ABCA5: variants seen among roughly 807,000 people sequenced by gnomAD.
ABCA5 encodes the protein cholesterol transporter ABCA5.
Under a neutral mutation model 206.0 loss-of-function variants are expected in ABCA5, and 163 were observed. The observed-to-expected ratio is 0.79, with a 90% CI of 0.70 to 0.90. The LOEUF (loss-of-function observed/expected upper bound fraction) is 0.90, where lower values mean the gene tolerates loss of function less well. ABCA5 is among the 40% of genes least tolerant of loss of function. ABCA5 has a pLI of 0.00. For synonymous variants in ABCA5, 609 were observed against 613.8 expected (o/e 0.99, Z 0.11); for missense variants, 1,859 against 1,912.9 (o/e 0.97, Z 0.53).
At chr17:69,286,810 C>G (rs1229631350) in intron 15 of ABCA5, among the ~76,000 whole-genome samples, 1 of 152,138 alleles carries the variant, frequency 6.6e-6, no homozygotes, top group Non-Finnish European at 1.5e-5. Context: ...AGAAGTTGCT[C>G]AAGAATTTCA....
intron 11 of ABCA5, 42 bp from the exon 12 acceptor site, chr17:69,291,368 C>A: frequency 8.0e-7 from 1 of 1,256,654 alleles, no homozygotes; most frequent in Non-Finnish European, 1.2e-6. Flanking sequence ...ATTTTTATGT[C>A]TGTTCAGCTA....
At chr17:69,257,977 TA>T (rs1441137619) in intron 28 of ABCA5, among the ~76,000 whole-genome samples, 3 of 152,068 alleles carry the variant, frequency 2.0e-5, no homozygotes, top group Non-Finnish European at 4.4e-5. Flanking sequence ...TTTTCTGAGA[TA>T]AATGACAAGA....
At chr17:69,275,512 A>G (rs920254293) in intron 19 of ABCA5, among the ~76,000 whole-genome samples, 12 of 152,210 alleles carry the variant, frequency 7.9e-5, no homozygotes, top group African/African-American at 2.9e-4. Flanking sequence ...ATCAAGTTCC[A>G]TAATAAGTTA....
chr17:69,255,549 T>C lies in ABCA5; in HGVS notation c.4062A>G (p.Ser1354=), dbSNP rs370463559. ...ATACTCTTATATATCATACCTGGCC[T>C]GAAGTTGGTTCAATATCACCAACCA... ...NILVGDIEPT[S]GQVFLGDYSS... Residue 1354 remains serine, a synonymous_variant, in exon 31 of 39, where the codon TCA becomes TCG. Transcript: ENST00000392676. 1.9e-6 allele frequency: 3 copies of C among 1,558,054 alleles called. No individual in the cohort carries two copies. In the African/African-American group the frequency reaches 4.2e-5, roughly 22 times the overall value.
intron 7 of ABCA5, among the ~76,000 whole-genome samples, chr17:69,303,432 T>C (rs896999947): frequency 6.6e-6 from 1 of 151,830 alleles, no homozygotes; most frequent in Non-Finnish European, 1.5e-5. Context: ...CTAACAAATA[T>C]TAAATACTGT....
At position 69,269,291 on chromosome 17, in the gene ABCA5, G is replaced by A. The variant is rs1031621190; in HGVS notation, c.3031-1235C>T. 3.3e-5 allele frequency among the ~76,000 whole-genome samples: 5 copies of A among 152,264 alleles called. 1 individual carries two copies. In the South Asian group the frequency reaches 8.3e-4, roughly 25 times the overall value. ...GGAGAGAAGGAAACAAGATTGGAGA[G>A]GGGTAACATGAGTTTTCACCTGTGT... On this transcript the variant is annotated intron_variant, in intron 22 of 38. Coordinates refer to ENST00000392676, the MANE Select transcript of ABCA5 (RefSeq NM_172232.4).
At chr17:69,290,901 T>C (rs1215477566) in intron 12 of ABCA5, among the ~76,000 whole-genome samples, 1 of 152,138 alleles carries the variant, frequency 6.6e-6, no homozygotes, top group Non-Finnish European at 1.5e-5. Flanking sequence ...CAACCTCAAA[T>C]AGTCTATAGT....
At chr17:69,261,091 T>C (rs2075141658) in intron 26 of ABCA5, 34 bp downstream of exon 26, 3 of 1,481,884 alleles carry the variant, frequency 2.0e-6, no homozygotes, top group Non-Finnish European at 2.7e-6. Flanking sequence ...TTATTTTATG[T>C]TTTTTAACAT....
intron 23 of ABCA5, among the ~76,000 whole-genome samples, chr17:69,266,349 T>C (rs1013957367): frequency 3.9e-5 from 6 of 152,104 alleles, no homozygotes; most frequent in Admixed American, 1.3e-4. Flanking sequence ...TGTTACATTG[T>C]ACTATAATTT....
chr17:69,251,413 CAATT>C (rs753691991), intron 35 of ABCA5: 59 of 204,286 alleles, frequency 2.9e-4, no homozygotes, highest in Middle Eastern at 1.9e-3. Context: ...TTTCTTTACT[CAATT>C]ATTTATTTAT....
At chr17:69,285,061 T>C (rs2075435813) in intron 17 of ABCA5, among the ~76,000 whole-genome samples, 1 of 152,228 alleles carries the variant, frequency 6.6e-6, no homozygotes, top group Non-Finnish European at 1.5e-5. Flanking sequence ...GGCAAGTTCC[T>C]TAAATCTTTT....
intron 1 of ABCA5, chr17:69,325,740 A>T (rs1288427907): frequency 3.9e-5 from 6 of 152,242 alleles, no homozygotes; most frequent in African/African-American, 1.4e-4. Flanking sequence ...GCTATTCAGC[A>T]GGGTCCCTAG....
intron 9 of ABCA5, 101 bp from the exon 10 acceptor site, chr17:69,297,460 C>A: frequency 2.0e-6 from 2 of 1,005,064 alleles, no homozygotes; most frequent in South Asian, 1.7e-5. Context: ...AGTTTAGGTA[C>A]CATTCCGCAA....
rs1285020962 is a variant in ABCA5, at chr17:69,304,650, C to T, written c.930+19G>A. ...CATTTTGACAGTTCTTTATTCCTATCACAAGTTAAAATACTTACAGATGAT... is the reference window on the plus strand; with the variant it reads ...CATTTTGACAGTTCTTTATTCCTATTACAAGTTAAAATACTTACAGATGAT... On this transcript the variant is annotated intron_variant, in intron 7 of 38. Coordinates refer to ENST00000392676, the MANE Select transcript of ABCA5 (RefSeq NM_172232.4). The T allele has an allele frequency of 1.1e-5, 17 of 1,539,888 alleles. No individual in the cohort carries two copies. In the East Asian group the frequency reaches 4.0e-4, roughly 36 times the overall value.
At chr17:69,278,380 C>T (rs1425967147) in intron 18 of ABCA5, among the ~76,000 whole-genome samples, 2 of 152,186 alleles carry the variant, frequency 1.3e-5, no homozygotes, top group African/African-American at 4.8e-5. Context: ...CCTGATCATA[C>T]ACGAGACTTC....
At chr17:69,305,526 C>T (rs1163777827) in intron 6 of ABCA5, among the ~76,000 whole-genome samples, 2 of 152,102 alleles carry the variant, frequency 1.3e-5, no homozygotes, top group Non-Finnish European at 2.9e-5. Context: ...CTAAATTCTT[C>T]CAGCTACCGG....
intron 23 of ABCA5, among the ~76,000 whole-genome samples, chr17:69,266,813 T>C (rs1952246655): frequency 6.7e-6 from 1 of 150,140 alleles, no homozygotes; most frequent in Admixed American, 6.6e-5. Context: ...TATGTGTTAC[T>C]TTTATAGTAA....
rs1447150357 is a variant in ABCA5 at position 69,271,156 on chromosome 17, T to C, written c.2892+6A>G. 2 of 1,608,994 alleles carry C rather than the reference T, an allele frequency of 1.2e-6. No individual in the cohort carries two copies. The highest frequency in any genetic ancestry group is 8.5e-7 in the Non-Finnish European group (1 of 1,178,732). On this transcript the variant is annotated splice_donor_region_variant and intron_variant, in intron 21 of 38. Coordinates refer to ENST00000392676, the MANE Select transcript of ABCA5 (RefSeq NM_172232.4). ...AATGGATATTCATTCACTGCATTCA[T>C]CTTACCTTTTCTGAATGCATCACAT...
At chr17:69,312,827 GTATACT>G (rs954285244) in intron 3 of ABCA5, among the ~76,000 whole-genome samples, 40 of 152,012 alleles carry the variant, frequency 2.6e-4, no homozygotes, top group African/African-American at 8.9e-4. Flanking sequence ...TCTTATACAA[GTATACT>G]TAAACTATTT....
Sources: gnomAD v4.1 joint callset for allele counts (sites outside exome capture counted in the v4.1 genomes callset) on GRCh38, gnomAD v4.1.1 for gene constraint, MANE v1.5 for transcripts, NCBI Gene and HGNC (gene_info 2026-07-23, HGNC 2026-07-21) for gene names.